The following CELSR1 variants were observed in gnomAD, a reference collection of about 807,000 sequenced individuals.
The protein encoded by CELSR1 is cadherin EGF LAG seven-pass G-type receptor 1.
In CELSR1, 110 loss-of-function variants were observed where a neutral mutation model predicts 249.1. The observed-to-expected ratio is 0.44, with a 90% CI of 0.38 to 0.52. CELSR1 has a LOEUF of 0.52. CELSR1 is among the 20% of genes least tolerant of loss of function. The probability of loss-of-function intolerance (pLI) is 0.00; values close to 1 mark genes in which losing one functional copy is unlikely to be tolerated. For synonymous variants in CELSR1, 2,113 were observed against 1,900.0 expected (o/e 1.11, Z -2.92); for missense variants, 4,109 against 4,296.4 (o/e 0.96, Z 1.22).
At position 46,445,524 on chromosome 22, in the gene CELSR1, T is replaced by C. The variant is rs1034125547; in HGVS notation, c.4184-6113A>G. On this transcript the variant is annotated intron_variant, in intron 2 of 34. Coordinates refer to ENST00000674500, the MANE Select transcript of CELSR1 (RefSeq NM_001378328.1). This position sits in a 1 kb window ranked among gnomAD's most constrained non-coding sequence, Gnocchi z 4.4. ...AATGAATAAAAAATAAAGACACCAGTCATTGGATTTAGGGTCCACCCTAAA... is the reference window on the plus strand; with the variant it reads ...AATGAATAAAAAATAAAGACACCAGCCATTGGATTTAGGGTCCACCCTAAA... Among the ~76,000 whole-genome samples the C allele has an allele frequency of 3.9e-5, 6 of 152,058 alleles. No homozygotes were observed. Among genetic ancestry groups the C allele is most frequent in the African/African-American group, 1.4e-4 (6 of 41,496 alleles).
chr22:46,405,594 G>A (rs561842982), intron 9 of CELSR1, among the ~76,000 whole-genome samples: 1 of 152,268 alleles, frequency 6.6e-6, no homozygotes, highest in Non-Finnish European at 1.5e-5. Context: ...GGATGAACCT[G>A]TTTTATGGGA....
In CELSR1 at chr22:46,399,939, A is replaced by G. The variant is rs1156786151; in HGVS notation, c.5227-37T>C. On this transcript the variant is annotated intron_variant, in intron 9 of 34. Transcript: ENST00000674500. This position sits in a 1 kb window ranked among gnomAD's most constrained non-coding sequence, Gnocchi z 5.0. ...AGAGCCACACCGACTGATTGGTACAATGACAATGAAAGAGAAAACATTTTG... is the reference window on the plus strand; with the variant it reads ...AGAGCCACACCGACTGATTGGTACAGTGACAATGAAAGAGAAAACATTTTG... 1 of 1,597,370 alleles carries G rather than the reference A, an allele frequency of 6.3e-7. No homozygotes were observed. The highest frequency in any genetic ancestry group is 1.7e-5 in the Admixed American group (1 of 58,790).
Position 46,409,942 on chromosome 22 carries a change from C to T in CELSR1, c.4934-62G>A, listed in dbSNP as rs1473000979. On this transcript the variant is annotated intron_variant, in intron 7 of 34. Coordinates refer to ENST00000674500, the MANE Select transcript of CELSR1 (RefSeq NM_001378328.1). The surrounding 1 kb of genome is among the most constrained non-coding windows in gnomAD (Gnocchi z 9.8). ...AGGAACCGCCCGGGGTCCCCGGCGC[C>T]AGACGTGGCGTGGGAAACCAGGACG... The T allele has an allele frequency of 7.3e-5, 116 of 1,597,452 alleles. No individual in the cohort carries two copies. The highest frequency in any genetic ancestry group is 9.9e-5 in the Non-Finnish European group (116 of 1,176,674).
At chr22:46,439,010 G>A (rs1269473714) in intron 3 of CELSR1, among the ~76,000 whole-genome samples, 179 bp downstream of exon 3, 6 of 152,082 alleles carry the variant, frequency 3.9e-5, no homozygotes, top group East Asian at 1.9e-4. Flanking sequence ...CACCCGCCTC[G>A]GCCTCCCAAA....
Position 46,378,629 on chromosome 22 carries a change from C to T in CELSR1, c.7345G>A (p.Ala2449Thr). 6.2e-7 allele frequency: 1 copy of T among 1,600,780 alleles called. No homozygotes were observed. The change falls in exon 23 of 35, where the codon GCC becomes ACC. Residue 2449 changes from alanine to threonine, a missense_variant. Around this residue, in one of 7 missense-constraint regions of CELSR1, gnomAD observed 1,805 missense variants for 1,831.6 expected, o/e 0.99. Coordinates refer to ENST00000674500, the MANE Select transcript of CELSR1 (RefSeq NM_001378328.1). Reference sequence around the variant, plus strand: ...ATATCCATGAGCACCGCAAAGCTGGCTGTGTGGCTGCACTGGCAGGCGACA... The same window carrying T: ...ATATCCATGAGCACCGCAAAGCTGGTTGTGTGGCTGCACTGGCAGGCGACA... ...THVACQCSHT[A>T]SFAVLMDISR... is the part of the protein sequence containing the mutation.
At position 46,512,218 on chromosome 22, in the gene CELSR1, C is replaced by T. The variant is rs886489820; in HGVS notation, c.3544+21409G>A. Among the ~76,000 whole-genome samples the T allele has an allele frequency of 2.6e-5, 4 of 152,304 alleles. No homozygotes were observed. Among genetic ancestry groups the T allele is most frequent in the Admixed American group, 2.0e-4 (3 of 15,306 alleles). ...GGCTCACAGCTAGGGGCAGGTGTCC[C>T]GGATTTGCAGAGGAGGACCAAGAAG... On this transcript the variant is annotated intron_variant, in intron 1 of 34. Transcript: ENST00000674500. This position sits in a 1 kb window ranked among gnomAD's most constrained non-coding sequence, Gnocchi z 5.2.
At position 46,398,970 on chromosome 22, in the gene CELSR1, G is replaced by A. The variant is rs2079182105; in HGVS notation, c.5413-333C>T. The stretch of plus-strand genomic sequence containing the variant: ...TGTGACAGAGAGCTTGGCGAGTCAG[G>A]AAGACTGCAGTGAACGGAAATCCGC... On this transcript the variant is annotated intron_variant, in intron 10 of 34. Transcript: ENST00000674500. This position sits in a 1 kb window ranked among gnomAD's most constrained non-coding sequence, Gnocchi z 7.2. Among the ~76,000 whole-genome samples the A allele has an allele frequency of 6.6e-6, 1 of 152,228 alleles. No individual in the cohort carries two copies. Among genetic ancestry groups the A allele is most frequent in the Admixed American group, 6.5e-5 (1 of 15,280 alleles).
At chr22:46,416,291 C>G (rs1482635129) in intron 5 of CELSR1, among the ~76,000 whole-genome samples, 2 of 152,238 alleles carry the variant, frequency 1.3e-5, no homozygotes, top group African/African-American at 4.8e-5. Context: ...TGGGCCAAGG[C>G]CAGCACGGTG....
chr22:46,510,009 A>T (rs1259090800), intron 1 of CELSR1, among the ~76,000 whole-genome samples: 1 of 152,184 alleles, frequency 6.6e-6, no homozygotes, highest in East Asian at 1.9e-4. Flanking sequence ...GAGGCCATGC[A>T]GGAAGGACAG....
At chr22:46,460,262 G>A (rs1424683769) in intron 2 of CELSR1, among the ~76,000 whole-genome samples, 6 of 152,024 alleles carry the variant, frequency 3.9e-5, no homozygotes, top group East Asian at 1.9e-4. Flanking sequence ...AGACATGGAA[G>A]TGTGTGAACC....
rs540553463 is a variant in CELSR1, at chr22:46,385,673, TA to T, written c.6739+728del. On this transcript the variant is annotated intron_variant, in intron 19 of 34. Coordinates refer to ENST00000674500, the MANE Select transcript of CELSR1 (RefSeq NM_001378328.1). ...AGGAAACAGAGGCCTACCTGCCGAA[TA>T]TTTTTTTTTTTTTTTTTTTTTGAGA... is the stretch of plus-strand genomic sequence containing the variant. Among the ~76,000 whole-genome samples, 7 of 136,452 alleles carry T rather than the reference TA, an allele frequency of 5.1e-5. No individual in the cohort carries two copies. In the South Asian group the frequency reaches 6.4e-4, roughly 13 times the overall value. 89.5% of individuals were successfully genotyped at this position (136,452 alleles called of 152,430 possible).
chr22:46,457,183 A>G (rs1486351301), intron 2 of CELSR1, among the ~76,000 whole-genome samples: 1 of 152,176 alleles, frequency 6.6e-6, no homozygotes, highest in African/African-American at 2.4e-5. Context: ...TGTCTCTACT[A>G]AAAACACAAA....
intron 1 of CELSR1, among the ~76,000 whole-genome samples, chr22:46,485,249 T>G (rs2080302129): frequency 1.3e-5 from 2 of 152,166 alleles, no homozygotes; most frequent in South Asian, 2.1e-4. Context: ...ATGGTGAGAT[T>G]CGTTTCCAGT....
Position 46,488,618 on chromosome 22 carries a change from C to G in CELSR1, c.3545-24273G>C, listed in dbSNP as rs1267525577. ...CACAGTGGAAAGTCCCCAGAAGCAG[C>G]AGTTTCTACGGCACAGCAGTGACCA... is the stretch of plus-strand genomic sequence containing the variant. On this transcript the variant is annotated intron_variant, in intron 1 of 34. Transcript: ENST00000674500. This position sits in a 1 kb window ranked among gnomAD's most constrained non-coding sequence, Gnocchi z 4.7. Among the ~76,000 whole-genome samples, 1 of 151,954 alleles carries G rather than the reference C, an allele frequency of 6.6e-6. No homozygotes were observed. The highest frequency in any genetic ancestry group is 1.5e-5 in the Non-Finnish European group (1 of 67,996).
At position 46,517,366 on chromosome 22, in the gene CELSR1, C is replaced by T. The variant is rs1223673597; in HGVS notation, c.3544+16261G>A. On this transcript the variant is annotated intron_variant, in intron 1 of 34. Coordinates refer to ENST00000674500, the MANE Select transcript of CELSR1 (RefSeq NM_001378328.1). The surrounding 1 kb of genome is among the most constrained non-coding windows in gnomAD (Gnocchi z 5.4). ...GGAGACTTGGACGGCCGTCCAACAC[C>T]AAAGCCACCGGTTTCCTGCCTACGG... Among the ~76,000 whole-genome samples the T allele has an allele frequency of 6.6e-6, 1 of 152,244 alleles. No individual in the cohort carries two copies.
At chr22:46,426,937 T>A (rs1330352467) in intron 5 of CELSR1, among the ~76,000 whole-genome samples, 1 of 152,228 alleles carries the variant, frequency 6.6e-6, no homozygotes, top group Non-Finnish European at 1.5e-5. Flanking sequence ...CCCAGCCTTG[T>A]GTGTTCTGTT....
At position 46,406,382 on chromosome 22, in the gene CELSR1, G is replaced by T. The variant is rs958092638; in HGVS notation, c.5226+2614C>A. 1.3e-5 allele frequency among the ~76,000 whole-genome samples: 2 copies of T among 152,214 alleles called. No individual in the cohort carries two copies. The highest frequency in any genetic ancestry group is 4.8e-5 in the African/African-American group (2 of 41,458). The stretch of plus-strand genomic sequence containing the variant: ...CCACACCTTCCAGGCAATCCGAGAG[G>T]TCTGTGCTGGAAAATGCTCCCGAGC... On this transcript the variant is annotated intron_variant, in intron 9 of 34. Coordinates refer to ENST00000674500, the MANE Select transcript of CELSR1 (RefSeq NM_001378328.1). The surrounding 1 kb of genome is among the most constrained non-coding windows in gnomAD (Gnocchi z 5.4).
Position 46,428,088 on chromosome 22 carries a change from A to C in CELSR1, c.4611+5305T>G, listed in dbSNP as rs1247115633. Among the ~76,000 whole-genome samples the C allele has an allele frequency of 1.3e-5, 2 of 152,192 alleles. No individual in the cohort carries two copies. The highest frequency in any genetic ancestry group is 4.8e-5 in the African/African-American group (2 of 41,442). ...ACAGCAGGACCTAGCGGTCATCTCA[A>C]GGTCATGGAAATCTCAAAGCACTTA... On this transcript the variant is annotated intron_variant, in intron 5 of 34. Transcript: ENST00000674500. This position sits in a 1 kb window ranked among gnomAD's most constrained non-coding sequence, Gnocchi z 5.7.
In CELSR1 at chr22:46,369,684, A is replaced by C. The variant is rs747231615; in HGVS notation, c.7872+8T>G. On this transcript the variant is annotated splice_region_variant and intron_variant, in intron 26 of 34. Coordinates refer to ENST00000674500, the MANE Select transcript of CELSR1 (RefSeq NM_001378328.1). ...GCACCCGGACTCCCGTGAAGGCCCC[A>C]CACTCACGATTATAACAGCTCCGAT... 3.1e-6 allele frequency: 5 copies of C among 1,611,394 alleles called. No individual in the cohort carries two copies. Among genetic ancestry groups the C allele is most frequent in the Non-Finnish European group, 4.2e-6 (5 of 1,178,132 alleles).
Sources: gnomAD v4.1 joint callset for allele counts (sites outside exome capture counted in the v4.1 genomes callset) on GRCh38, gnomAD v4.1.1 for gene constraint, gnomAD v4.1.1 regional missense constraint, Gnocchi (gnomAD v3.1) non-coding constraint, MANE v1.5 for transcripts, NCBI Gene and HGNC (gene_info 2026-07-23, HGNC 2026-07-21) for gene names.